The following YJU2 variants were observed in gnomAD, a reference collection of about 807,000 sequenced individuals.
YJU2 encodes splicing factor YJU2.
A neutral mutation model predicts 39.6 loss-of-function variants in YJU2; 28 were observed. The ratio of observed to expected loss-of-function variants is 0.71; its 90% confidence interval spans 0.52 to 0.97. YJU2 has a LOEUF of 0.97. YJU2 is among the 50% of genes least tolerant of loss of function. The pLI, the probability that YJU2 is intolerant of heterozygous loss-of-function variation, is 0.00. For missense variants in YJU2, 328 were observed against 430.4 expected, an observed-to-expected ratio of 0.76 and a Z score of 2.11; for synonymous variants, 184 against 182.4, an observed-to-expected ratio of 1.01 and a Z score of -0.07.
rs759231691 is a variant in YJU2, at chr19:4,251,162, C to T, written c.261C>T (p.Ile87=). 6.2e-7 allele frequency: 1 copy of T among 1,613,974 alleles called. No individual in the cohort carries two copies. Among genetic ancestry groups the T allele is most frequent in the Non-Finnish European group, 8.5e-7 (1 of 1,179,980 alleles). ...AGTGCACGCGCTGCCTGGCAGAGATCACCTTCAAGGTAGGTGAGACGGCCG... is the reference window on the plus strand; with the variant it reads ...AGTGCACGCGCTGCCTGGCAGAGATTACCTTCAAGGTAGGTGAGACGGCCG... The part of the protein sequence containing the change: ...YIKCTRCLAE[I]TFKTDPENTD... Residue 87 remains isoleucine, a synonymous_variant, in exon 3 of 8, where the codon ATC becomes ATT. Transcript: ENST00000262962.
chr19:4,247,605 GT>G (rs1354455614), intron 1 of YJU2, among the ~76,000 whole-genome samples: 196 of 9,660 alleles, frequency 0.02, 24 homozygotes, highest in East Asian at 0.044. Flanking sequence ...GTGTGTGTGT[GT>G]GTGTGTGTGT....
intron 2 of YJU2, among the ~76,000 whole-genome samples, chr19:4,250,162 C>T (rs1970963998): frequency 6.6e-6 from 1 of 152,192 alleles, no homozygotes; most frequent in African/African-American, 2.4e-5. Context: ...ACTCTCAACC[C>T]CATACCTTTT....
chr19:4,259,472 C>T (rs930527068), intron 5 of YJU2, among the ~76,000 whole-genome samples: 4 of 152,118 alleles, frequency 2.6e-5, no homozygotes, highest in Non-Finnish European at 5.9e-5. Context: ...CTCCATCTCC[C>T]GGGCTCAAGC....
At chr19:4,247,689 G>A (rs1244508326) in intron 1 of YJU2, among the ~76,000 whole-genome samples, 5 of 135,148 alleles carry the variant, frequency 3.7e-5, no homozygotes, top group African/African-American at 1.1e-4. Context: ...GTGTGTGTGT[G>A]TGTGTGTGTT....
chr19:4,254,222 A>G (rs1971000158), intron 3 of YJU2, 133 bp from the exon 4 acceptor site: 4 of 743,174 alleles, frequency 5.4e-6, no homozygotes, highest in African/African-American at 1.8e-5. Flanking sequence ...AGTCAAAGCA[A>G]TAAGACAAGA....
In YJU2 at chr19:4,258,345, A is replaced by T. The variant is rs1279563337; in HGVS notation, c.509A>T (p.Glu170Val). 4.4e-6 allele frequency: 7 copies of T among 1,591,292 alleles called. No individual in the cohort carries two copies. Among genetic ancestry groups the T allele is most frequent in the Non-Finnish European group, 6.0e-6 (7 of 1,170,692 alleles). Residue 170 changes from glutamate (E) to valine (V), a missense_variant, in exon 5 of 8, where the codon GAG becomes GTG. This residue lies in a region of YJU2 where 244 missense variants were observed against 264.6 expected (regional missense o/e 0.92). Coordinates refer to ENST00000262962, the MANE Select transcript of YJU2 (RefSeq NM_018074.6). ...LNQRQAHVDF[E>V]AMLRQHRLSE... ...CAGCGGCAGGCGCACGTGGACTTCG[A>T]GGCTATGCTGAGGCAGCACCGCCTG...
At chr19:4,249,866 C>T (rs907865667) in intron 2 of YJU2, among the ~76,000 whole-genome samples, 1 of 152,058 alleles carries the variant, frequency 6.6e-6, no homozygotes, top group Non-Finnish European at 1.5e-5. Flanking sequence ...ACCACCACGC[C>T]CGGCTAATTT....
At chr19:4,255,358 A>T (rs1417620058) in intron 4 of YJU2, among the ~76,000 whole-genome samples, 4 of 151,990 alleles carry the variant, frequency 2.6e-5, no homozygotes, top group Admixed American at 1.3e-4. Context: ...TTGAGACAGG[A>T]GGATCACTTG....
intron 3 of YJU2, 135 bp downstream of exon 3, chr19:4,251,306 C>G: frequency 1.1e-6 from 1 of 881,756 alleles, no homozygotes. Flanking sequence ...AAACAGACAA[C>G]AGTTTGGGGG....
chr19:4,252,938 CAA>C (rs1420505918), intron 3 of YJU2, among the ~76,000 whole-genome samples: 5 of 151,918 alleles, frequency 3.3e-5, no homozygotes, highest in Non-Finnish European at 7.4e-5. Context: ...AAAAAACAAA[CAA>C]AAACTTTTTT....
At position 4,258,995 on chromosome 19, in the gene YJU2, C is replaced by T. The variant is rs1263912683; in HGVS notation, c.587+572C>T. Among the ~76,000 whole-genome samples, 12 of 151,554 alleles carry T rather than the reference C, an allele frequency of 7.9e-5. 1 individual carries two copies. The South Asian group carries it at 1.9e-3, about 24-fold the overall frequency. ...GTGGGAGGCCCCCAGCACAGGCTCCCGGACACCCACCAAGGGACGCCCTCA... is the reference window on the plus strand; with the variant it reads ...GTGGGAGGCCCCCAGCACAGGCTCCTGGACACCCACCAAGGGACGCCCTCA... On this transcript the variant is annotated intron_variant, in intron 5 of 7. Coordinates refer to ENST00000262962, the MANE Select transcript of YJU2 (RefSeq NM_018074.6).
chr19:4,257,354 C>T (rs1029403255), intron 4 of YJU2, among the ~76,000 whole-genome samples: 3 of 152,172 alleles, frequency 2.0e-5, no homozygotes, highest in Non-Finnish European at 2.9e-5. Context: ...AATGCATTGG[C>T]ACGATCTGAG....
intron 3 of YJU2, among the ~76,000 whole-genome samples, chr19:4,252,045 T>C (rs1970981457): frequency 6.6e-6 from 1 of 152,102 alleles, no homozygotes; most frequent in African/African-American, 2.4e-5. Context: ...AAAATTGCAA[T>C]TTGACTTTTA....
In YJU2 at chr19:4,247,676, T is replaced by C. The variant is rs1599494668; in HGVS notation, c.24+506T>C. ...GTGTGTGTGTGTGTGTGTGTGTGTG[T>C]GTGTGTGTGTGTGTGTGTGTGTTTT... On this transcript the variant is annotated intron_variant, in intron 1 of 7. Transcript: ENST00000262962. Among the ~76,000 whole-genome samples the C allele has an allele frequency of 1.4e-4, 17 of 120,682 alleles. 1 individual carries two copies. The highest frequency in any genetic ancestry group is 4.0e-4 in the African/African-American group (11 of 27,194). The allele number at this position is 120,682 out of a possible 152,430, so 79.2% of individuals were successfully genotyped here.
chr19:4,262,685 G>A (rs1024346406), intron 6 of YJU2, among the ~76,000 whole-genome samples: 10 of 151,896 alleles, frequency 6.6e-5, no homozygotes, highest in Non-Finnish European at 1.0e-4. Context: ...AAGGCAGGAG[G>A]ATCGCTTGAG....
At position 4,254,360 on chromosome 19, in the gene YJU2, C is replaced by A. The variant is rs747229688; in HGVS notation, c.276C>A (p.Asp92Glu). 2.5e-6 allele frequency: 4 copies of A among 1,612,826 alleles called. No homozygotes were observed. The highest frequency in any genetic ancestry group is 3.4e-6 in the Non-Finnish European group (4 of 1,179,374). ...TCTGTCTATCCTCCCTGCAGACAGA[C>A]CCTGAAAACACAGACTACACCATGG... is the stretch of plus-strand genomic sequence containing the variant. ...RCLAEITFKT[D>E]PENTDYTMEH... is the part of the protein sequence containing the mutation. Residue 92 changes from aspartate to glutamate, a missense_variant, in exon 4 of 8, where the codon GAC becomes GAA. Asp to Glu is a conservative substitution (Grantham distance 45). This residue lies in a region of YJU2 where 84 missense variants were observed against 165.8 expected (regional missense o/e 0.51). Coordinates refer to ENST00000262962, the MANE Select transcript of YJU2 (RefSeq NM_018074.6).
intron 1 of YJU2, among the ~76,000 whole-genome samples, chr19:4,247,606 T>TGGC: frequency 3.8e-5 from 1 of 26,080 alleles, no homozygotes; most frequent in Non-Finnish European, 8.1e-5. Flanking sequence ...TGTGTGTGTG[T>TGGC]GTGTGTGTGT....
intron 1 of YJU2, among the ~76,000 whole-genome samples, chr19:4,248,647 G>A (rs2144687195): frequency 6.6e-6 from 1 of 152,324 alleles, no homozygotes; most frequent in South Asian, 2.1e-4. Flanking sequence ...GGCAGGGCAT[G>A]ATGGCTCACG....
chr19:4,261,863 C>T lies in YJU2; in HGVS notation c.588-131C>T, dbSNP rs971064819. ...AAAGTAATCTGTGCTCCCCCTACTC[C>T]CTCCCACCCCTGCTCACTGAGGGCA... On this transcript the variant is annotated intron_variant, in intron 5 of 7. Coordinates refer to ENST00000262962, the MANE Select transcript of YJU2 (RefSeq NM_018074.6). 4 of 835,770 alleles carry T rather than the reference C, an allele frequency of 4.8e-6. No individual in the cohort carries two copies. In the African/African-American group the frequency reaches 6.9e-5, roughly 14 times the overall value. The allele number at this position is 835,770 out of a possible 1,614,324, so 51.8% of individuals were successfully genotyped here.
Sources: gnomAD v4.1 joint callset for allele counts (sites outside exome capture counted in the v4.1 genomes callset) on GRCh38, gnomAD v4.1.1 for gene constraint, gnomAD v4.1.1 regional missense constraint, MANE v1.5 for transcripts, NCBI Gene and HGNC (gene_info 2026-07-23, HGNC 2026-07-21) for gene names.